Variants in USP25 observed in about 807,000 individuals in gnomAD.
USP25 encodes the protein ubiquitin carboxyl-terminal hydrolase 25.
In USP25, 85 loss-of-function variants were observed where a neutral mutation model predicts 158.5. That is an observed-to-expected ratio of 0.54 (90% CI 0.45 to 0.64). USP25 has a LOEUF of 0.64. Among genes scored for constraint, USP25 ranks in the 30% least tolerant of loss-of-function variants. USP25 has a pLI of 0.00. For synonymous variants in USP25, 464 were observed against 460.4 expected (o/e 1.01, Z -0.10); for missense variants, 1,242 against 1,327.3 (o/e 0.94, Z 1.00).
At chr21:15,820,891 A>G (rs377713298) in intron 10 of USP25, among the ~76,000 whole-genome samples, 5 of 151,960 alleles carry the variant, frequency 3.3e-5, no homozygotes, top group African/African-American at 4.8e-5. Flanking sequence ...AAAACATCCA[A>G]TTGGCTATAA....
rs916863086 is a variant in USP25, at chr21:15,808,271, A to G, written c.781-538A>G. On this transcript the variant is annotated intron_variant, in intron 7 of 25. Coordinates refer to ENST00000400183, the MANE Select transcript of USP25 (RefSeq NM_001283041.3). ...TTTCCGTGTTGGGAGAGCAAAGACCAAAGGCATGGTGAAAGGTGATAAATG... is the reference window on the plus strand; with the variant it reads ...TTTCCGTGTTGGGAGAGCAAAGACCGAAGGCATGGTGAAAGGTGATAAATG... 3.3e-5 allele frequency among the ~76,000 whole-genome samples: 5 copies of G among 152,322 alleles called. 1 individual carries two copies. Among genetic ancestry groups the G allele is most frequent in the African/African-American group, 1.2e-4 (5 of 41,572 alleles).
intron 24 of USP25, chr21:15,877,537 A>G (rs889384292): frequency 7.5e-6 from 2 of 266,026 alleles, no homozygotes; most frequent in East Asian, 7.4e-5. Flanking sequence ...GATGATCGGC[A>G]TAAGCCAAAC....
At chr21:15,746,862 A>G (rs982234833) in intron 1 of USP25, among the ~76,000 whole-genome samples, 1 of 152,156 alleles carries the variant, frequency 6.6e-6, no homozygotes, top group African/African-American at 2.4e-5. Flanking sequence ...GTATTCTCTA[A>G]AATGTTTAAT....
At chr21:15,824,920 A>G (rs1221884142) in intron 11 of USP25, 46 bp from the exon 12 acceptor site, 1 of 1,488,194 alleles carries the variant, frequency 6.7e-7, no homozygotes, top group African/African-American at 1.4e-5. Flanking sequence ...TATTGCATCT[A>G]CTTTCATGAT....
At chr21:15,876,732 C>A (rs2040112275) in intron 24 of USP25, 1 of 152,180 alleles carries the variant, frequency 6.6e-6, no homozygotes, top group Non-Finnish European at 1.5e-5. Flanking sequence ...GGTGGAGACA[C>A]AAAGCCTAAC....
chr21:15,843,761 G>T lies in USP25; in HGVS notation c.2337+1221G>T, dbSNP rs1468590290. ...GGGAAGGAGAAAGAACAGAGGAGTA[G>T]GTACAAGGGGAAATAGTTTTGTCTG... On this transcript the variant is annotated intron_variant, in intron 18 of 25. Transcript: ENST00000400183. The surrounding 1 kb of genome is among the most constrained non-coding windows in gnomAD (Gnocchi z 4.0). 1.3e-5 allele frequency among the ~76,000 whole-genome samples: 2 copies of T among 152,084 alleles called. No homozygotes were observed. The highest frequency in any genetic ancestry group is 2.9e-5 in the Non-Finnish European group (2 of 67,988).
At chr21:15,741,115 C>T (rs1398062326) in intron 1 of USP25, among the ~76,000 whole-genome samples, 2 of 147,158 alleles carry the variant, frequency 1.4e-5, no homozygotes, top group East Asian at 2.0e-4. Flanking sequence ...GTCTTCACAT[C>T]GATTTGTTTA....
At chr21:15,771,155 A>G (rs1183889236) in intron 3 of USP25, among the ~76,000 whole-genome samples, 1 of 152,240 alleles carries the variant, frequency 6.6e-6, no homozygotes, top group Non-Finnish European at 1.5e-5. Flanking sequence ...CTCAGTTTAC[A>G]TAGAGGAAAG....
At chr21:15,864,031 C>CTTT (rs369749565) in intron 20 of USP25, among the ~76,000 whole-genome samples, 3 of 85,624 alleles carry the variant, frequency 3.5e-5, no homozygotes, top group Non-Finnish European at 4.8e-5. Context: ...TGGGAGACTT[C>CTTT]TTTTTTTTTT....
chr21:15,861,472 C>T (rs547362356), intron 20 of USP25, among the ~76,000 whole-genome samples: 9 of 152,008 alleles, frequency 5.9e-5, no homozygotes, highest in African/African-American at 1.4e-4. Flanking sequence ...TAGCATAGAC[C>T]GCCAAAAAAT....
Position 15,849,810 on chromosome 21 carries a change from A to G in USP25, c.2485A>G (p.Met829Val), listed in dbSNP as rs2038801012. 1 of 1,544,972 alleles carries G rather than the reference A, an allele frequency of 6.5e-7. No homozygotes were observed. The highest frequency in any genetic ancestry group is 8.7e-7 in the Non-Finnish European group (1 of 1,144,394). The change falls in exon 20 of 26, where the codon ATG becomes GTG. Residue 829 changes from methionine to valine, a missense_variant. This residue lies in a region of USP25 where 608 missense variants were observed against 605.2 expected (regional missense o/e 1.00). Coordinates refer to ENST00000400183, the MANE Select transcript of USP25 (RefSeq NM_001283041.3). ...GACACCGAACATGCAAGGTATTATC[A>G]TGGCGATAGGTAAATCCAGGAGTGT... is the stretch of plus-strand genomic sequence containing the variant. ...MMTPNMQGII[M>V]AIGKSRSVYD...
chr21:15,736,228 G>C (rs2031503271), intron 1 of USP25, among the ~76,000 whole-genome samples: 1 of 151,952 alleles, frequency 6.6e-6, no homozygotes, highest in South Asian at 2.1e-4. Context: ...CTTCTGAGTA[G>C]CTGGGACTAC....
rs2037748598 is a variant in USP25 at position 15,830,554 on chromosome 21, A to G, written c.1717A>G (p.Ile573Val). 1 of 1,605,884 alleles carries G rather than the reference A, an allele frequency of 6.2e-7. No individual in the cohort carries two copies. Residue 573 changes from isoleucine (I) to valine (V), a missense_variant, in exon 15 of 26, where the codon ATC (isoleucine) becomes GTC (valine). By Grantham distance (29) the Ile-to-Val change is conservative. Around this residue, in one of 3 missense-constraint regions of USP25, gnomAD observed 627 missense variants for 701.4 expected, o/e 0.89. Transcript: ENST00000400183. ...AGATTTGCAGGAAAGCATATCCAGA[A>G]TCCATCGAACAATTGAATTAATGTA... ...TRDLQESISR[I>V]HRTIELMYSD...
chr21:15,769,806 A>G (rs1008652023), intron 3 of USP25, among the ~76,000 whole-genome samples: 2 of 152,168 alleles, frequency 1.3e-5, no homozygotes, highest in Non-Finnish European at 2.9e-5. Context: ...GCTCTCCAGA[A>G]CAAGATGTGC....
intron 6 of USP25, among the ~76,000 whole-genome samples, chr21:15,800,374 C>G (rs571860816): frequency 6.6e-6 from 1 of 151,284 alleles, no homozygotes; most frequent in East Asian, 1.9e-4. Flanking sequence ...CTTGATTTCT[C>G]TCTGTTCCAT....
intron 20 of USP25, among the ~76,000 whole-genome samples, chr21:15,862,571 G>A (rs1303213979): frequency 1.6e-5 from 2 of 127,882 alleles, no homozygotes; most frequent in Admixed American, 7.9e-5. Flanking sequence ...CCCCTTCCCC[G>A]TTTTTTTTTT....
intron 10 of USP25, among the ~76,000 whole-genome samples, chr21:15,821,620 T>G (rs1362952363): frequency 6.6e-6 from 1 of 151,978 alleles, no homozygotes; most frequent in Non-Finnish European, 1.5e-5. Flanking sequence ...ATGGGGAACT[T>G]AACTTTTGAA....
chr21:15,849,053 A>G (rs895138887), intron 19 of USP25, among the ~76,000 whole-genome samples: 2 of 152,204 alleles, frequency 1.3e-5, no homozygotes, highest in African/African-American at 2.4e-5. Flanking sequence ...ACTATTTTAT[A>G]AACATGCTGG....
In USP25 at chr21:15,838,776, T is replaced by C. The variant is rs148901356; in HGVS notation, c.2195-3622T>C. Reference sequence around the variant, plus strand: ...AAAGATATCAGAGATGTTGGTCTTATTTTTATAGTTAAGAGCAACCCTTAC... The same window carrying C: ...AAAGATATCAGAGATGTTGGTCTTACTTTTATAGTTAAGAGCAACCCTTAC... On this transcript the variant is annotated intron_variant, in intron 17 of 25. Coordinates refer to ENST00000400183, the MANE Select transcript of USP25 (RefSeq NM_001283041.3). Among the ~76,000 whole-genome samples the C allele has an allele frequency of 5.6e-4, 86 of 152,294 alleles. No individual in the cohort carries two copies. In the East Asian group the frequency reaches 0.01, roughly 18 times the overall value.
Sources: allele counts gnomAD v4.1 joint callset (sites outside exome capture counted in the v4.1 genomes callset), GRCh38; gene constraint gnomAD v4.1.1; regional missense constraint gnomAD v4.1.1; non-coding constraint Gnocchi (gnomAD v3.1); transcripts MANE v1.5; gene names NCBI Gene and HGNC (gene_info 2026-07-23, HGNC 2026-07-21).